The following CLEC3A variants were observed in gnomAD, a reference collection of about 807,000 sequenced individuals.
CLEC3A encodes C-type lectin domain family 3 member A, also known as C-type (calcium dependent, carbohydrate-recognition domain) lectin, superfamily member 1 (cartilage-derived).
A neutral mutation model predicts 20.4 loss-of-function variants in CLEC3A; 28 were observed. The ratio of observed to expected loss-of-function variants is 1.37; its 90% CI spans 1.02 to 1.88. The LOEUF (loss-of-function observed/expected upper bound fraction) is 1.88. Ranked by LOEUF, CLEC3A falls within the 40% of genes most tolerant of loss-of-function variation. CLEC3A has a pLI of 0.00. For missense variants in CLEC3A, 357 were observed against 240.4 expected, an observed-to-expected ratio of 1.48 and a Z score of -3.21; for synonymous variants, 110 against 88.1, an observed-to-expected ratio of 1.25 and a Z score of -1.39.
chr16:78,029,604 G>C (rs182646342), intron 2 of CLEC3A, among the ~76,000 whole-genome samples: 2 of 152,008 alleles, frequency 1.3e-5, no homozygotes, highest in African/African-American at 4.8e-5. Context: ...TCTTGACCTT[G>C]TGATCCACCC....
At chr16:78,027,606 TTTTC>T (rs1248724314) in intron 1 of CLEC3A, among the ~76,000 whole-genome samples, 5 of 152,120 alleles carry the variant, frequency 3.3e-5, no homozygotes, top group African/African-American at 4.8e-5. Flanking sequence ...GTCCAAGTTA[TTTTC>T]TTTTTCTTTT....
chr16:78,030,026 A>G (rs2030042956), intron 2 of CLEC3A, among the ~76,000 whole-genome samples: 2 of 151,834 alleles, frequency 1.3e-5, no homozygotes, highest in Non-Finnish European at 2.9e-5. Flanking sequence ...GGTGGCAGGC[A>G]CCTGTAGTCC....
rs2018773808 is a variant in CLEC3A, at chr16:78,023,355, A to G, written c.115+614A>G. Among the ~76,000 whole-genome samples, 3 of 152,162 alleles carry G rather than the reference A, an allele frequency of 2.0e-5. No homozygotes were observed. The South Asian group carries it at 6.2e-4, about 31-fold the overall frequency. On this transcript the variant is annotated intron_variant, in intron 1 of 2. Coordinates refer to ENST00000299642, the MANE Select transcript of CLEC3A (RefSeq NM_005752.6). ...AAAAAGTCAATATGCAAAGTCATCT[A>G]GTATTTGAAGGCATTGTGATGCAAA...
chr16:78,030,816 T>C lies in CLEC3A; in HGVS notation c.569T>C (p.Ile190Thr), dbSNP rs1447782953. ...GCCTGTCGCAGCAGCAAGAGATACA[T>C]ATGCGAGTTCACCATCCCTCAATAG... ...DEACRSSKRY[I>T]CEFTIPQ Residue 190 changes from isoleucine to threonine, a missense_variant, in exon 3 of 3, where the codon ATA becomes ACA. Coordinates refer to ENST00000299642, the MANE Select transcript of CLEC3A (RefSeq NM_005752.6). The C allele has an allele frequency of 1.9e-6, 3 of 1,613,422 alleles. No individual in the cohort carries two copies. Among genetic ancestry groups the C allele is most frequent in the Non-Finnish European group, 2.5e-6 (3 of 1,179,664 alleles).
At chr16:78,023,670 TA>T (rs1312781730) in intron 1 of CLEC3A, among the ~76,000 whole-genome samples, 2 of 151,972 alleles carry the variant, frequency 1.3e-5, no homozygotes, top group Non-Finnish European at 2.9e-5. Flanking sequence ...GGCTGGTGGG[TA>T]AAAAGGGGTC....
At chr16:78,028,319 T>A in intron 2 of CLEC3A, 129 bp downstream of exon 2, 2 of 609,692 alleles carry the variant, frequency 3.3e-6, no homozygotes, top group South Asian at 2.4e-5. Flanking sequence ...AGGGCCCCAA[T>A]GCCGGGAGAT....
At chr16:78,024,450 C>G (rs955447902) in intron 1 of CLEC3A, among the ~76,000 whole-genome samples, 8 of 152,086 alleles carry the variant, frequency 5.3e-5, no homozygotes, top group Admixed American at 2.0e-4. Flanking sequence ...CTTCTTTACC[C>G]CCTTCTTCCC....
chr16:78,023,969 G>C (rs1453322270), intron 1 of CLEC3A, among the ~76,000 whole-genome samples: 4 of 151,962 alleles, frequency 2.6e-5, no homozygotes, highest in Admixed American at 1.3e-4. Context: ...GTGTTAGCCA[G>C]GATGGTCTCG....
At position 78,030,665 on chromosome 16, in the gene CLEC3A, A is replaced by C. The variant is rs1275243632; in HGVS notation, c.418A>C (p.Lys140Gln). The change falls in exon 3 of 3, where the codon AAG becomes CAG. Residue 140 changes from lysine (K) to glutamine (Q), a missense_variant. Coordinates refer to ENST00000299642, the MANE Select transcript of CLEC3A (RefSeq NM_005752.6). ...LGINDMVTEG[K>Q]FVDVNGIAIS... ...CATCAATGACATGGTCACGGAAGGC[A>C]AGTTTGTTGACGTCAACGGAATCGC... 6.2e-7 allele frequency: 1 copy of C among 1,614,004 alleles called. No homozygotes were observed. Among genetic ancestry groups the C allele is most frequent in the Non-Finnish European group, 8.5e-7 (1 of 1,180,030 alleles).
intron 1 of CLEC3A, among the ~76,000 whole-genome samples, chr16:78,025,736 C>T (rs1308703365): frequency 6.6e-6 from 1 of 152,176 alleles, no homozygotes; most frequent in Non-Finnish European, 1.5e-5. Flanking sequence ...TATGACTTTT[C>T]CAGCTCAGTA....
intron 2 of CLEC3A, chr16:78,028,994 C>T (rs953949003): frequency 1.1e-5 from 4 of 379,658 alleles, no homozygotes; most frequent in African/African-American, 6.3e-5. Flanking sequence ...AGTTAAAAGA[C>T]AGTCAAATGC....
intron 1 of CLEC3A, among the ~76,000 whole-genome samples, chr16:78,024,913 A>G (rs1597151123): frequency 2.0e-5 from 3 of 151,128 alleles, no homozygotes; most frequent in Admixed American, 2.0e-4. Flanking sequence ...TGCAACCTCT[A>G]CCCACCAGGT....
rs774325216 is a variant in CLEC3A, at chr16:78,022,592, C to T, written c.-35C>T. On this transcript the variant is annotated 5_prime_UTR_variant, in exon 1 of 3. Coordinates refer to ENST00000299642, the MANE Select transcript of CLEC3A (RefSeq NM_005752.6). ...TCCTTCCATAGCTGCTCTAAGGGGG[C>T]TGGCAACATGGCTCAGCAGGCTTGC... is the stretch of plus-strand genomic sequence containing the variant. 2 of 1,610,884 alleles carry T rather than the reference C, an allele frequency of 1.2e-6. No homozygotes were observed. The highest frequency in any genetic ancestry group is 1.7e-6 in the Non-Finnish European group (2 of 1,178,468).
At chr16:78,029,729 C>T (rs950095048) in intron 2 of CLEC3A, among the ~76,000 whole-genome samples, 3 of 151,868 alleles carry the variant, frequency 2.0e-5, no homozygotes, top group African/African-American at 7.3e-5. Flanking sequence ...TCCAAAACTC[C>T]CAAAGAAATC....
chr16:78,030,405 C>A, intron 2 of CLEC3A, 42 bp from the exon 3 acceptor site: 1 of 1,535,100 alleles, frequency 6.5e-7, no homozygotes, highest in Non-Finnish European at 8.8e-7. Flanking sequence ...TCATAATACA[C>A]TCAAAATGCA....
rs1424375741 is a variant in CLEC3A, at chr16:78,031,087, A to C, written c.*246A>C. The stretch of plus-strand genomic sequence containing the variant: ...GCAGATAAAATGGCTTCTGCTAAAC[A>C]GACTAAAATCTTTCTCTCTAGTCTT... On this transcript the variant is annotated 3_prime_UTR_variant, in exon 3 of 3. Coordinates refer to ENST00000299642, the MANE Select transcript of CLEC3A (RefSeq NM_005752.6). 1 of 408,690 alleles carries C rather than the reference A, an allele frequency of 2.4e-6. No individual in the cohort carries two copies. Among genetic ancestry groups the C allele is most frequent in the African/African-American group, 2.1e-5 (1 of 48,698 alleles). The allele number at this position is 408,690 out of a possible 1,614,324, so 25.3% of individuals were successfully genotyped here. A position where few individuals can be genotyped will look rare whatever the true frequency, so the allele number is the denominator to read the frequency against.
intron 1 of CLEC3A, among the ~76,000 whole-genome samples, chr16:78,024,501 T>C (rs2018788259): frequency 6.6e-6 from 1 of 152,084 alleles, no homozygotes; most frequent in African/African-American, 2.4e-5. Context: ...CACATGCTTT[T>C]ATTTAAAAAC....
intron 1 of CLEC3A, 135 bp from the exon 2 acceptor site, chr16:78,027,972 A>C (rs957790387): frequency 8.5e-6 from 6 of 703,176 alleles, no homozygotes; most frequent in Non-Finnish European, 1.5e-5. Flanking sequence ...ATTTTCACGC[A>C]TTATTTTTTG....
At chr16:78,026,148 A>G (rs2029911735) in intron 1 of CLEC3A, among the ~76,000 whole-genome samples, 1 of 152,186 alleles carries the variant, frequency 6.6e-6, no homozygotes, top group South Asian at 2.1e-4. Flanking sequence ...GAGCCATGGG[A>G]TGCTTTGAGA....
Sources: allele counts gnomAD v4.1 joint callset (sites outside exome capture counted in the v4.1 genomes callset), GRCh38; gene constraint gnomAD v4.1.1; transcripts MANE v1.5; gene names NCBI Gene and HGNC (gene_info 2026-07-23, HGNC 2026-07-21).